The following STIM2 variants were observed in gnomAD, a reference collection of about 807,000 sequenced individuals.
STIM2 encodes the protein stromal interaction molecule 2.
STIM2 carries 31 observed loss-of-function variants against 85.8 expected under a neutral mutation model. The observed-to-expected ratio is 0.36, with a 90% CI of 0.27 to 0.49. The LOEUF is 0.49. STIM2 is among the 20% of genes least tolerant of loss of function. The pLI, the probability that STIM2 is intolerant of heterozygous loss-of-function variation, is 0.98. For missense variants in STIM2, 841 were observed against 927.6 expected (o/e 0.91, Z 1.21); for synonymous variants, 356 against 331.1 (o/e 1.08, Z -0.82).
chr4:26,957,018 GA>G (rs1324622188), intron 2 of STIM2, among the ~76,000 whole-genome samples: 1 of 152,010 alleles, frequency 6.6e-6, no homozygotes, highest in Non-Finnish European at 1.5e-5. Context: ...GTCTGTGGGG[GA>G]TTAGTTTCAG....
chr4:26,914,060 A>G (rs755721420), intron 1 of STIM2, among the ~76,000 whole-genome samples: 1 of 152,250 alleles, frequency 6.6e-6, no homozygotes. Context: ...TATTTGGAAG[A>G]AAGAGCTTTG....
chr4:26,940,542 G>A (rs1725573408), intron 2 of STIM2, among the ~76,000 whole-genome samples: 1 of 152,048 alleles, frequency 6.6e-6, no homozygotes, highest in Admixed American at 6.6e-5. Context: ...TTTAAATGTG[G>A]TGTTGTTTTT....
intron 2 of STIM2, among the ~76,000 whole-genome samples, chr4:26,947,269 T>C (rs1309477223): frequency 6.6e-6 from 1 of 152,188 alleles, no homozygotes; most frequent in African/African-American, 2.4e-5. Context: ...CAGATTCCCA[T>C]ATTAAAATAA....
intron 3 of STIM2, 48 bp downstream of exon 3, chr4:26,957,774 C>T (rs772645545): frequency 8.4e-7 from 1 of 1,188,024 alleles, no homozygotes; most frequent in Non-Finnish European, 1.2e-6. Context: ...GCACATCTAG[C>T]CTGCTTAGTT....
intron 10 of STIM2, among the ~76,000 whole-genome samples, chr4:27,011,182 C>A (rs1477134196): frequency 6.6e-6 from 1 of 152,126 alleles, no homozygotes; most frequent in Non-Finnish European, 1.5e-5. Context: ...ACATATATAT[C>A]CATAACATTA....
intron 2 of STIM2, among the ~76,000 whole-genome samples, chr4:26,946,979 C>T (rs1272954756): frequency 1.3e-5 from 2 of 152,126 alleles, no homozygotes; most frequent in Non-Finnish European, 2.9e-5. Flanking sequence ...AATAGAATAC[C>T]TGAATTCAAG....
chr4:26,903,344 T>G (rs918324050), intron 1 of STIM2, among the ~76,000 whole-genome samples: 5 of 152,210 alleles, frequency 3.3e-5, no homozygotes, highest in Non-Finnish European at 7.4e-5. Flanking sequence ...TGCTTGGAGT[T>G]GTAACCAGAG....
At chr4:26,866,590 G>T (rs1186558702) in intron 1 of STIM2, among the ~76,000 whole-genome samples, 1 of 152,158 alleles carries the variant, frequency 6.6e-6, no homozygotes, top group African/African-American at 2.4e-5. Context: ...TTAGAGTTAA[G>T]TATAAGGTAT....
At chr4:26,961,480 A>T (rs77703723) in intron 3 of STIM2, among the ~76,000 whole-genome samples, 28 of 152,282 alleles carry the variant, frequency 1.8e-4, no homozygotes, top group African/African-American at 6.7e-4. Flanking sequence ...GACTGTATCT[A>T]TTAGGTGGTA....
At chr4:27,022,457 C>T (rs1019950655) in intron 11 of STIM2, 62 bp from the exon 12 acceptor site, 2 of 1,324,130 alleles carry the variant, frequency 1.5e-6, no homozygotes, top group Non-Finnish European at 2.1e-6. Flanking sequence ...GTTAGAATGT[C>T]TGCTAGTACT....
rs1726498712 is a variant in STIM2, at chr4:26,962,165, A to C, written c.397+4439A>C. On this transcript the variant is annotated intron_variant, in intron 3 of 11. Transcript: ENST00000467087. Reference sequence around the variant, plus strand: ...TAAATTCTGGCTCTTCTATTTATGAATAGTGAGGCATTGGACAGATTTTGA... The same window carrying C: ...TAAATTCTGGCTCTTCTATTTATGACTAGTGAGGCATTGGACAGATTTTGA... Among the ~76,000 whole-genome samples, 3 of 152,320 alleles carry C rather than the reference A, an allele frequency of 2.0e-5. No homozygotes were observed. The South Asian group carries it at 6.2e-4, about 32-fold the overall frequency.
At chr4:26,930,612 G>A (rs911453781) in intron 2 of STIM2, among the ~76,000 whole-genome samples, 2 of 151,882 alleles carry the variant, frequency 1.3e-5, no homozygotes, top group African/African-American at 4.8e-5. Flanking sequence ...TACATTCTTT[G>A]CCATGATTTT....
At chr4:26,872,978 T>C (rs951793172) in intron 1 of STIM2, among the ~76,000 whole-genome samples, 4 of 152,054 alleles carry the variant, frequency 2.6e-5, no homozygotes, top group African/African-American at 9.7e-5. Flanking sequence ...TTTGAAGAAA[T>C]GAAAGAGTAT....
At chr4:26,895,484 A>G (rs576448613) in intron 1 of STIM2, among the ~76,000 whole-genome samples, 10 of 152,324 alleles carry the variant, frequency 6.6e-5, no homozygotes, top group African/African-American at 2.4e-4. Context: ...AGGAAGCATG[A>G]ACTTGCAAAT....
Position 26,996,625 on chromosome 4 carries a change from C to G in STIM2, c.509+1135C>G, listed in dbSNP as rs138021898. Among the ~76,000 whole-genome samples, 3 of 152,052 alleles carry G rather than the reference C, an allele frequency of 2.0e-5. No individual in the cohort carries two copies. In the East Asian group the frequency reaches 5.8e-4, roughly 29 times the overall value. On this transcript the variant is annotated intron_variant, in intron 4 of 11. Transcript: ENST00000467087. ...ATGATGAAATTATAGGGATAAGAGT[C>G]AATTTGATAAGTACTTACTGAATAT...
Position 27,023,225 on chromosome 4 carries a change from A to C in STIM2, c.*229A>C, listed in dbSNP as rs1728972660. On this transcript the variant is annotated 3_prime_UTR_variant, in exon 12 of 12. Coordinates refer to ENST00000467087, the MANE Select transcript of STIM2 (RefSeq NM_020860.4). ...GCCAGTTATTACTGAAAAATCATTG[A>C]AATGAGACAGTTTACAGTCATTTCT... is the stretch of plus-strand genomic sequence containing the variant. 1 of 513,832 alleles carries C rather than the reference A, an allele frequency of 1.9e-6. No individual in the cohort carries two copies. The highest frequency in any genetic ancestry group is 1.9e-5 in the African/African-American group (1 of 52,726). The allele number at this position is 513,832 out of a possible 1,614,324, so 31.8% of individuals were successfully genotyped here.
At chr4:26,909,223 T>C (rs1361912810) in intron 1 of STIM2, among the ~76,000 whole-genome samples, 1 of 152,250 alleles carries the variant, frequency 6.6e-6, no homozygotes, top group Admixed American at 6.5e-5. Flanking sequence ...CTCCTCTCTG[T>C]CCATGATAGT....
chr4:26,934,521 A>G (rs1398110384), intron 2 of STIM2, among the ~76,000 whole-genome samples: 1 of 152,242 alleles, frequency 6.6e-6, no homozygotes, highest in Non-Finnish European at 1.5e-5. Flanking sequence ...TCTTCATCAT[A>G]TAGCACATTA....
intron 2 of STIM2, among the ~76,000 whole-genome samples, chr4:26,933,592 G>C (rs545271452): frequency 6.6e-6 from 1 of 151,894 alleles, no homozygotes; most frequent in African/African-American, 2.4e-5. Flanking sequence ...TTTCCAGACT[G>C]TTTTTTATCA....
Sources: gnomAD v4.1 joint callset for allele counts (sites outside exome capture counted in the v4.1 genomes callset) on GRCh38, gnomAD v4.1.1 for gene constraint, MANE v1.5 for transcripts, NCBI Gene and HGNC (gene_info 2026-07-23, HGNC 2026-07-21) for gene names.